Variants in SORCS1 observed in about 807,000 individuals in gnomAD.
SORCS1 encodes the protein sortilin related VPS10 domain containing receptor 1.
A neutral mutation model predicts 146.1 loss-of-function variants in SORCS1; 60 were observed. The observed-to-expected ratio is 0.41, with a 90% CI of 0.33 to 0.51. The LOEUF is 0.51. Ranked by LOEUF, SORCS1 falls within the 20% of genes least tolerant of loss-of-function variation. The pLI is 0.21. For missense variants in SORCS1, 1,352 were observed against 1,487.6 expected, an observed-to-expected ratio of 0.91 and a Z score of 1.50; for synonymous variants, 637 against 584.0, an observed-to-expected ratio of 1.09 and a Z score of -1.31.
intron 2 of SORCS1, among the ~76,000 whole-genome samples, chr10:106,940,355 T>C (rs1953974305): frequency 6.6e-6 from 1 of 152,200 alleles, no homozygotes; most frequent in Admixed American, 6.5e-5. Context: ...TGGCGCTTCT[T>C]GTTACTGAAC....
intron 1 of SORCS1, among the ~76,000 whole-genome samples, chr10:107,096,955 C>G (rs1964584772): frequency 6.6e-6 from 1 of 152,204 alleles, no homozygotes; most frequent in Admixed American, 6.5e-5. Context: ...TCCATGCTAT[C>G]CCAACACTAG....
intron 2 of SORCS1, among the ~76,000 whole-genome samples, chr10:106,944,042 A>G (rs979802290): frequency 5.3e-5 from 8 of 151,992 alleles, no homozygotes; most frequent in African/African-American, 1.9e-4. Context: ...CCCACACTCT[A>G]TATGTCATAC....
At chr10:107,028,072 C>T (rs1958486306) in intron 1 of SORCS1, among the ~76,000 whole-genome samples, 2 of 152,190 alleles carry the variant, frequency 1.3e-5, no homozygotes, top group Admixed American at 1.3e-4. Flanking sequence ...TGCTTCTCTT[C>T]TTGTCGTATT....
At chr10:107,094,494 C>CA (rs1426063330) in intron 1 of SORCS1, among the ~76,000 whole-genome samples, 1 of 151,632 alleles carries the variant, frequency 6.6e-6, no homozygotes, top group Non-Finnish European at 1.5e-5. Context: ...TATATAATTG[C>CA]AAAAAAGGGG....
chr10:106,713,745 A>G (rs112019086), intron 6 of SORCS1, among the ~76,000 whole-genome samples: 5,453 of 152,238 alleles, frequency 0.036, 288 homozygotes, highest in African/African-American at 0.12. Context: ...GACTGACTCC[A>G]ACTTTGGTTT....
the SORCS1 span, among the ~76,000 whole-genome samples, chr10:107,178,423 G>A: frequency 6.6e-6 from 1 of 151,766 alleles, no homozygotes; most frequent in Non-Finnish European, 1.5e-5. Context: ...CACTTAACGT[G>A]ATGACCTCCA....
intron 5 of SORCS1, among the ~76,000 whole-genome samples, chr10:106,760,391 C>G (rs925441412): frequency 1.5e-5 from 2 of 136,854 alleles, no homozygotes; most frequent in African/African-American, 5.5e-5. Flanking sequence ...TTGCAGTGAG[C>G]TGAGATCAGA....
intron 6 of SORCS1, 24 bp downstream of exon 6, chr10:106,730,026 T>C: frequency 6.2e-7 from 1 of 1,613,090 alleles, no homozygotes; most frequent in Non-Finnish European, 8.5e-7. Flanking sequence ...ACTATGAGTA[T>C]TGCGGCAAAG....
intron 7 of SORCS1, among the ~76,000 whole-genome samples, chr10:106,708,571 T>C (rs943037311): frequency 6.6e-6 from 1 of 152,236 alleles, no homozygotes; most frequent in Non-Finnish European, 1.5e-5. Flanking sequence ...GCAGCGTATT[T>C]GCTTCTTGTC....
At position 107,012,089 on chromosome 10, in the gene SORCS1, TGCA is replaced by T. The variant is rs1383073494; in HGVS notation, c.559-55512_559-55510del. On this transcript the variant is annotated intron_variant, in intron 1 of 25. Coordinates refer to ENST00000263054, the MANE Select transcript of SORCS1 (RefSeq NM_052918.5). Reference sequence around the variant, plus strand: ...GACAACAGGTAGAATCAACTGTTATTGCAGCAGATTTTTTTTCGTGAGTTCCTC... The same window carrying T: ...GACAACAGGTAGAATCAACTGTTATTGCAGATTTTTTTTCGTGAGTTCCTC... Among the ~76,000 whole-genome samples, 8 of 152,356 alleles carry T rather than the reference TGCA, an allele frequency of 5.3e-5. 1 individual carries two copies. The East Asian group carries it at 7.7e-4, about 15-fold the overall frequency.
chr10:107,116,004 A>T (rs1445466295), intron 1 of SORCS1, among the ~76,000 whole-genome samples: 3 of 152,116 alleles, frequency 2.0e-5, no homozygotes, highest in African/African-American at 7.2e-5. Context: ...TTCTTTGAAA[A>T]ATATGAATAG....
At chr10:106,982,447 G>A (rs749203687) in intron 1 of SORCS1, among the ~76,000 whole-genome samples, 30 of 152,202 alleles carry the variant, frequency 2.0e-4, no homozygotes, top group Admixed American at 1.6e-3. Context: ...ATGTTAGTCC[G>A]TGAAATGCAG....
chr10:107,059,563 T>A (rs577216703), intron 1 of SORCS1, among the ~76,000 whole-genome samples: 59 of 152,282 alleles, frequency 3.9e-4, no homozygotes, highest in African/African-American at 1.3e-3. Flanking sequence ...TGGGAGGTCA[T>A]AAGTGACAAC....
chr10:107,080,268 C>T (rs1963226534), intron 1 of SORCS1, among the ~76,000 whole-genome samples: 1 of 152,116 alleles, frequency 6.6e-6, no homozygotes, highest in African/African-American at 2.4e-5. Context: ...CTTCTCACTG[C>T]CAAGCAAGCG....
chr10:106,718,253 A>G (rs966143541), intron 6 of SORCS1, among the ~76,000 whole-genome samples: 3 of 152,196 alleles, frequency 2.0e-5, no homozygotes, highest in African/African-American at 7.2e-5. Flanking sequence ...TTGGGTAAAG[A>G]CAGAAAATCA....
At chr10:106,670,774 A>G (rs1851533909) in intron 16 of SORCS1, among the ~76,000 whole-genome samples, 1 of 150,984 alleles carries the variant, frequency 6.6e-6, no homozygotes, top group African/African-American at 2.4e-5. Context: ...GCTCATTGCA[A>G]TCTCTACCTC....
chr10:107,085,447 T>C (rs569264069), intron 1 of SORCS1, among the ~76,000 whole-genome samples: 19 of 152,354 alleles, frequency 1.2e-4, no homozygotes, highest in African/African-American at 4.3e-4. Flanking sequence ...CAGAAGAACA[T>C]GATTAGAGCT....
intron 1 of SORCS1, among the ~76,000 whole-genome samples, chr10:106,993,822 C>T (rs923768652): frequency 1.6e-4 from 24 of 151,698 alleles, no homozygotes; most frequent in African/African-American, 5.8e-4. Flanking sequence ...GCCTGTAATC[C>T]CTACACTTTG....
chr10:106,612,010 A>C lies in SORCS1; in HGVS notation c.2934T>G (p.Ser978=). The C allele has an allele frequency of 1.9e-6, 3 of 1,613,994 alleles. No homozygotes were observed. Among genetic ancestry groups the C allele is most frequent in the East Asian group, 2.2e-5 (1 of 44,884 alleles). The change falls in exon 22 of 26, where the codon TCT becomes TCG. Residue 978 remains serine (S), a synonymous_variant. Coordinates refer to ENST00000263054, the MANE Select transcript of SORCS1 (RefSeq NM_052918.5). The part of the protein sequence containing the change: ...KTIAVYEEFR[S]LRLSFSPNLD... Reference sequence around the variant, plus strand: ...GGTTTGGAGAAAAGGACAAGCGAAGAGACCGGAATTCCTCTGGGGATATAA... The same window carrying C: ...GGTTTGGAGAAAAGGACAAGCGAAGCGACCGGAATTCCTCTGGGGATATAA...
Sources: gnomAD v4.1 joint callset for allele counts (sites outside exome capture counted in the v4.1 genomes callset) on GRCh38, gnomAD v4.1.1 for gene constraint, MANE v1.5 for transcripts, NCBI Gene and HGNC (gene_info 2026-07-23, HGNC 2026-07-21) for gene names.